The following MDFIC2 variants were observed in gnomAD, a reference collection of about 807,000 sequenced individuals.
MDFIC2 encodes the protein myoD family inhibitor domain-containing protein 2.
chr3:70,212,399 A>C (rs148765742), intron 2 of MDFIC2, among the ~76,000 whole-genome samples: 8 of 152,248 alleles, frequency 5.3e-5, no homozygotes, highest in African/African-American at 1.9e-4. Flanking sequence ...GAGAATTCAC[A>C]GTTCAATTTG....
At chr3:70,296,835 A>T (rs1702294411) in intron 2 of MDFIC2, among the ~76,000 whole-genome samples, 1 of 151,956 alleles carries the variant, frequency 6.6e-6, no homozygotes, top group African/African-American at 2.4e-5. Flanking sequence ...TGGTTTTTTT[A>T]AAAGGCATAT....
intron 2 of MDFIC2, among the ~76,000 whole-genome samples, chr3:70,223,830 G>A (rs1408190108): frequency 6.6e-6 from 1 of 152,068 alleles, no homozygotes; most frequent in Non-Finnish European, 1.5e-5. Context: ...AGGTGAATTT[G>A]CTTTTAGGCA....
At chr3:70,311,152 T>G (rs1467898328) in intron 2 of MDFIC2, among the ~76,000 whole-genome samples, 2 of 152,188 alleles carry the variant, frequency 1.3e-5, no homozygotes, top group African/African-American at 2.4e-5. Flanking sequence ...TGTCAACTAC[T>G]TAAGTAAGAG....
intron 2 of MDFIC2, among the ~76,000 whole-genome samples, chr3:70,306,362 C>T (rs111692764): frequency 0.038 from 5,861 of 152,242 alleles, 160 homozygotes; most frequent in East Asian, 0.08. Flanking sequence ...CTACCCGCCT[C>T]GGCCTCCCAA....
chr3:70,302,018 G>C lies in MDFIC2; in HGVS notation c.88+9868C>G, dbSNP rs75505440. ...TTCATTTCAGATCCATATTGGTGTG[G>C]AAATTTAGCTCAAGAAGAAGAATTG... On this transcript the variant is annotated intron_variant, in intron 2 of 3. Coordinates refer to ENST00000567252, the MANE Select transcript of MDFIC2 (RefSeq NM_001364677.1). Among the ~76,000 whole-genome samples, 926 of 152,144 alleles carry C rather than the reference G, an allele frequency of 6.1e-3. 43 individuals carry two copies. The East Asian group carries it at 0.12, about 20-fold the overall frequency.
intron 3 of MDFIC2, among the ~76,000 whole-genome samples, chr3:70,200,144 C>T (rs533046696): frequency 2.6e-5 from 4 of 152,204 alleles, no homozygotes; most frequent in Non-Finnish European, 4.4e-5. Context: ...CTGCTCACCA[C>T]CTGCAGGGCC....
At chr3:70,275,518 A>AAAAAC (rs1260814787) in intron 2 of MDFIC2, among the ~76,000 whole-genome samples, 3 of 152,230 alleles carry the variant, frequency 2.0e-5, no homozygotes, top group East Asian at 3.9e-4. Flanking sequence ...CCCTGTCTCA[A>AAAAAC]AAAATAAAAC....
At chr3:70,214,755 G>A (rs866787264) in intron 2 of MDFIC2, among the ~76,000 whole-genome samples, 6 of 152,030 alleles carry the variant, frequency 3.9e-5, no homozygotes, top group African/African-American at 1.2e-4. Context: ...TGACTCCTAA[G>A]AGATAGTTGA....
At chr3:70,229,456 T>C (rs1033463905) in intron 2 of MDFIC2, among the ~76,000 whole-genome samples, 7 of 152,226 alleles carry the variant, frequency 4.6e-5, no homozygotes, top group Non-Finnish European at 1.0e-4. Context: ...AGATGCTACA[T>C]AGCAGAACTT....
intron 2 of MDFIC2, among the ~76,000 whole-genome samples, chr3:70,229,842 A>T (rs6549300): frequency 1 from 151,716 of 152,286 alleles, 75,577 homozygotes; most frequent in East Asian, 1. Flanking sequence ...TCAATATTTG[A>T]AACAGCTACT....
chr3:70,287,412 T>G (rs893903897), intron 2 of MDFIC2, among the ~76,000 whole-genome samples: 3 of 151,596 alleles, frequency 2.0e-5, no homozygotes, highest in African/African-American at 7.3e-5. Flanking sequence ...TGAAGCCCAC[T>G]TGATCATGGT....
At chr3:70,250,411 TCACACACACACACACACACACACA>T (rs61355248) in intron 2 of MDFIC2, among the ~76,000 whole-genome samples, 24 of 124,968 alleles carry the variant, frequency 1.9e-4, no homozygotes, top group African/African-American at 6.7e-4. Flanking sequence ...TTAATGAATC[TCACACACACACACACACACACACA>T]CACACACACA....
chr3:70,203,727 A>G (rs1162942015), intron 3 of MDFIC2, among the ~76,000 whole-genome samples: 2 of 152,138 alleles, frequency 1.3e-5, no homozygotes, highest in African/African-American at 4.8e-5. Context: ...TCTTGTATTT[A>G]TGATTTTCCT....
At chr3:70,251,817 A>G (rs573770408) in intron 2 of MDFIC2, among the ~76,000 whole-genome samples, 1 of 152,310 alleles carries the variant, frequency 6.6e-6, no homozygotes, top group African/African-American at 2.4e-5. Flanking sequence ...ACTGCACCTG[A>G]TTCAGATTAG....
intron 2 of MDFIC2, among the ~76,000 whole-genome samples, chr3:70,304,892 C>G (rs551367801): frequency 6.6e-6 from 1 of 152,110 alleles, no homozygotes; most frequent in Non-Finnish European, 1.5e-5. Context: ...CTTCTTTCCC[C>G]TTTTTCGTCA....
chr3:70,244,836 T>A (rs943062605), intron 2 of MDFIC2, among the ~76,000 whole-genome samples: 1 of 152,232 alleles, frequency 6.6e-6, no homozygotes, highest in Admixed American at 6.5e-5. Flanking sequence ...CATTCCTATG[T>A]GCTCTGCTTA....
At position 70,237,979 on chromosome 3, in the gene MDFIC2, C is replaced by CTTTTTTTTTTTTTTTT. The variant is rs71672662; in HGVS notation, c.89-31205_89-31190dup. 2.8e-3 allele frequency among the ~76,000 whole-genome samples: 137 copies of CTTTTTTTTTTTTTTTT among 48,942 alleles called. 40 individuals carry two copies. The highest frequency in any genetic ancestry group is 0.016 in the East Asian group (16 of 994). 32.1% of individuals were successfully genotyped at this position (48,942 alleles called of 152,430 possible). On this transcript the variant is annotated intron_variant, in intron 2 of 3. Transcript: ENST00000567252. ...GGAAAAGAAACTAATTGAGTGGTAT[C>CTTTTTTTTTTTTTTTT]TTTTTTTTTTTTTTTTTTTTTTTTT...
intron 3 of MDFIC2, among the ~76,000 whole-genome samples, chr3:70,203,607 A>G (rs1261072218): frequency 6.6e-6 from 1 of 152,160 alleles, no homozygotes; most frequent in Non-Finnish European, 1.5e-5. Flanking sequence ...AAATTGAAAC[A>G]TTTTATAAGG....
intron 2 of MDFIC2, among the ~76,000 whole-genome samples, chr3:70,209,819 G>A (rs1417138516): frequency 2.6e-5 from 4 of 152,026 alleles, no homozygotes; most frequent in Admixed American, 2.6e-4. Context: ...GCAAATAGCT[G>A]GGTTTTACAC....
Sources: gnomAD v4.1 joint callset for allele counts (sites outside exome capture counted in the v4.1 genomes callset) on GRCh38, gnomAD v4.1.1 for gene constraint, MANE v1.5 for transcripts, NCBI Gene and HGNC (gene_info 2026-07-23, HGNC 2026-07-21) for gene names.